The following NUFIP2 variants were observed in gnomAD, a reference collection of about 807,000 sequenced individuals.
The protein encoded by NUFIP2 is FMR1-interacting protein NUFIP2.
Under a neutral mutation model 56.9 loss-of-function variants are expected in NUFIP2, and 6 were observed. The ratio of observed to expected loss-of-function variants is 0.11; its 90% CI spans 0.06 to 0.21. The LOEUF is 0.21. NUFIP2 is among the 10% of genes least tolerant of loss of function. NUFIP2 has a pLI of 1.00. For synonymous variants in NUFIP2, 321 were observed against 298.2 expected (o/e 1.08, Z -0.79); for missense variants, 828 against 826.8 (o/e 1.00, Z -0.02).
rs150175027 is a variant in NUFIP2 at position 29,292,321 on chromosome 17, T to G, written c.277+1462A>C. 5.6e-3 allele frequency among the ~76,000 whole-genome samples: 856 copies of G among 151,926 alleles called. 5 individuals are homozygous for G. Among genetic ancestry groups the G allele is most frequent in the African/African-American group, 0.02 (822 of 41,454 alleles). On this transcript the variant is annotated intron_variant, in intron 1 of 3. Transcript: ENST00000225388. ...GCTCGCACTCTTCCCCATCCTAACA[T>G]TTTTTAAAATCCCTCACCTCAAAGA...
chr17:29,289,766 T>C (rs1369203424), intron 1 of NUFIP2, among the ~76,000 whole-genome samples: 2 of 152,194 alleles, frequency 1.3e-5, no homozygotes, highest in Non-Finnish European at 2.9e-5. Context: ...TTACTCATTC[T>C]ACATTAGAAA....
rs2068976095 is a variant in NUFIP2 at position 29,257,201 on chromosome 17, T to C, written c.*7338A>G. On this transcript the variant is annotated 3_prime_UTR_variant, in exon 4 of 4. Transcript: ENST00000225388. ...GAACTTTATTAAAATAGGTGCCAGTTTTCCTCTCTCCTAGTTCCACTGATG... is the reference window on the plus strand; with the variant it reads ...GAACTTTATTAAAATAGGTGCCAGTCTTCCTCTCTCCTAGTTCCACTGATG... 6.6e-6 allele frequency: 1 copy of C among 152,202 alleles called. No homozygotes were observed. 9.4% of individuals were successfully genotyped at this position (152,202 alleles called of 1,614,324 possible).
chr17:29,267,165 A>C (rs1426368078), intron 3 of NUFIP2, among the ~76,000 whole-genome samples: 1 of 151,164 alleles, frequency 6.6e-6, no homozygotes, highest in Non-Finnish European at 1.5e-5. Flanking sequence ...CAGCCTCCCA[A>C]AGTGCTAGGA....
At chr17:29,288,382 G>T (rs2069191181) in intron 1 of NUFIP2, among the ~76,000 whole-genome samples, 1 of 152,134 alleles carries the variant, frequency 6.6e-6, no homozygotes, top group Non-Finnish European at 1.5e-5. Context: ...GATGCCCTCT[G>T]GGCAAAAATC....
rs1190433193 is a variant in NUFIP2, at chr17:29,261,518, G to A, written c.*3021C>T. The A allele has an allele frequency of 6.6e-6, 1 of 152,068 alleles. No individual in the cohort carries two copies. Among genetic ancestry groups the A allele is most frequent in the African/African-American group, 2.4e-5 (1 of 41,420 alleles). 9.4% of individuals were successfully genotyped at this position (152,068 alleles called of 1,614,324 possible). A position where few individuals can be genotyped will look rare whatever the true frequency, so the allele number is the denominator to read the frequency against. On this transcript the variant is annotated 3_prime_UTR_variant, in exon 4 of 4. Coordinates refer to ENST00000225388, the MANE Select transcript of NUFIP2 (RefSeq NM_020772.3). ...TTATGCTACAGTACTAATACTCTGAGTTGAAGGAAAATTCTTTATACCAAA... is the reference window on the plus strand; with the variant it reads ...TTATGCTACAGTACTAATACTCTGAATTGAAGGAAAATTCTTTATACCAAA...
Position 29,267,437 on chromosome 17 carries a change from C to A in NUFIP2, c.2035+61G>T, listed in dbSNP as rs868308010. ...ATTACCACCCATCTGTTAATCCCAC[C>A]CAAAAATAATGTCCAGTGGTTACTT... is the stretch of plus-strand genomic sequence containing the variant. On this transcript the variant is annotated intron_variant, in intron 3 of 3. Coordinates refer to ENST00000225388, the MANE Select transcript of NUFIP2 (RefSeq NM_020772.3). 4.3e-6 allele frequency: 4 copies of A among 921,680 alleles called. No individual in the cohort carries two copies. In the Middle Eastern group the frequency reaches 6.7e-4, roughly 154 times the overall value. The allele number at this position is 921,680 out of a possible 1,614,324, so 57.1% of individuals were successfully genotyped here.
At chr17:29,265,044 C>A (rs1056843806) in intron 3 of NUFIP2, among the ~76,000 whole-genome samples, 2 of 152,134 alleles carry the variant, frequency 1.3e-5, no homozygotes, top group African/African-American at 4.8e-5. Flanking sequence ...GTAAAACCTG[C>A]CACCAAAAAC....
intron 3 of NUFIP2, among the ~76,000 whole-genome samples, chr17:29,265,112 CT>C (rs2069026908): frequency 6.6e-6 from 1 of 152,138 alleles, no homozygotes; most frequent in Non-Finnish European, 1.5e-5. Flanking sequence ...ACTGACTCAA[CT>C]TCCCACAGTA....
At chr17:29,276,239 G>A (rs1403305398) in intron 2 of NUFIP2, among the ~76,000 whole-genome samples, 1 of 151,942 alleles carries the variant, frequency 6.6e-6, no homozygotes, top group Non-Finnish European at 1.5e-5. Context: ...TAAACAAACT[G>A]AATGGCTGGC....
chr17:29,288,108 A>G (rs2069189064), intron 1 of NUFIP2, among the ~76,000 whole-genome samples: 1 of 152,212 alleles, frequency 6.6e-6, no homozygotes, highest in Non-Finnish European at 1.5e-5. Context: ...CAGTGGCGCT[A>G]TCTCCGCTCA....
chr17:29,278,529 G>C (rs1027350321), intron 2 of NUFIP2, among the ~76,000 whole-genome samples: 19 of 152,018 alleles, frequency 1.2e-4, no homozygotes, highest in African/African-American at 3.9e-4. Context: ...TACAGGAATT[G>C]AGCCACCACG....
chr17:29,266,675 A>G (rs2153010812), intron 3 of NUFIP2, among the ~76,000 whole-genome samples: 1 of 152,070 alleles, frequency 6.6e-6, no homozygotes, highest in Non-Finnish European at 1.5e-5. Flanking sequence ...ACAGAGAAAG[A>G]CCAGCCAAAA....
Position 29,293,863 on chromosome 17 carries a change from G to A in NUFIP2, c.197C>T (p.Pro66Leu). 6.2e-7 allele frequency: 1 copy of A among 1,613,374 alleles called. No homozygotes were observed. The highest frequency in any genetic ancestry group is 8.5e-7 in the Non-Finnish European group (1 of 1,179,480). The stretch of plus-strand genomic sequence containing the variant: ...TTTCAGCGGCTTTGGCTGGGCCTTG[G>A]GGCTGCCCTCGGCTCCATGCTGCAG... ...QYLQHGAEGS[P>L]KAQPKPLKHE... is the part of the protein sequence containing the mutation. Residue 66 changes from proline (P) to leucine (L), a missense_variant, in exon 1 of 4, where the codon CCC (proline) becomes CTC (leucine). Around this residue, in one of 3 missense-constraint regions of NUFIP2, gnomAD observed 415 missense variants for 408.7 expected, o/e 1.02. Transcript: ENST00000225388.
chr17:29,293,177 G>A (rs2069229047), intron 1 of NUFIP2, among the ~76,000 whole-genome samples: 2 of 151,760 alleles, frequency 1.3e-5, no homozygotes, highest in South Asian at 2.1e-4. Flanking sequence ...GCGGGGTCCG[G>A]CGCCCAAAAA....
rs1017738458 is a variant in NUFIP2 at position 29,257,221 on chromosome 17, C to A, written c.*7318G>T. On this transcript the variant is annotated 3_prime_UTR_variant, in exon 4 of 4. Coordinates refer to ENST00000225388, the MANE Select transcript of NUFIP2 (RefSeq NM_020772.3). ...CCAGTTTTCCTCTCTCCTAGTTCCA[C>A]TGATGAGCTAGCCCAGAACTATGTA... 2 of 152,164 alleles carry A rather than the reference C, an allele frequency of 1.3e-5. No individual in the cohort carries two copies. The highest frequency in any genetic ancestry group is 4.8e-5 in the African/African-American group (2 of 41,436). The allele number at this position is 152,164 out of a possible 1,614,324, so 9.4% of individuals were successfully genotyped here.
chr17:29,274,297 C>G (rs371487943), intron 2 of NUFIP2, among the ~76,000 whole-genome samples: 1 of 152,156 alleles, frequency 6.6e-6, no homozygotes, highest in Non-Finnish European at 1.5e-5. Context: ...TGGTGAGACC[C>G]TATGTCTACA....
chr17:29,260,819 G>A lies in NUFIP2; in HGVS notation c.*3720C>T, dbSNP rs977329884. The A allele has an allele frequency of 2.0e-5, 3 of 152,108 alleles. No homozygotes were observed. Among genetic ancestry groups the A allele is most frequent in the African/African-American group, 7.2e-5 (3 of 41,422 alleles). The allele number at this position is 152,108 out of a possible 1,614,324, so 9.4% of individuals were successfully genotyped here. A position where few individuals can be genotyped will look rare whatever the true frequency, so the allele number is the denominator to read the frequency against. Reference sequence around the variant, plus strand: ...AGATTGAGTAATGACTAGGTAAGCAGATGATTAAGGAGGACAACAAAATTC... The same window carrying A: ...AGATTGAGTAATGACTAGGTAAGCAAATGATTAAGGAGGACAACAAAATTC... On this transcript the variant is annotated 3_prime_UTR_variant, in exon 4 of 4. Coordinates refer to ENST00000225388, the MANE Select transcript of NUFIP2 (RefSeq NM_020772.3).
At chr17:29,291,429 T>C (rs967265895) in intron 1 of NUFIP2, among the ~76,000 whole-genome samples, 3 of 151,482 alleles carry the variant, frequency 2.0e-5, no homozygotes, top group East Asian at 1.9e-4. Flanking sequence ...TTCAAAAATA[T>C]TGTAATGTTT....
At chr17:29,274,744 T>C (rs1413118763) in intron 2 of NUFIP2, among the ~76,000 whole-genome samples, 1 of 152,100 alleles carries the variant, frequency 6.6e-6, no homozygotes, top group Non-Finnish European at 1.5e-5. Flanking sequence ...TTGTACTAAA[T>C]AGTGATGATT....
Sources: gnomAD v4.1 joint callset for allele counts (sites outside exome capture counted in the v4.1 genomes callset) on GRCh38, gnomAD v4.1.1 for gene constraint, gnomAD v4.1.1 regional missense constraint, MANE v1.5 for transcripts, NCBI Gene and HGNC (gene_info 2026-07-23, HGNC 2026-07-21) for gene names.